PCDHGA10: variants seen among roughly 807,000 people sequenced by gnomAD.
The protein encoded by PCDHGA10 is protocadherin gamma-A10.
Under a neutral mutation model 59.5 loss-of-function variants are expected in PCDHGA10, and 42 were observed. That is an observed-to-expected ratio of 0.71 (90% CI 0.55 to 0.91). The LOEUF is 0.91. PCDHGA10 is among the 40% of genes least tolerant of loss of function. The pLI is 0.00. For missense variants in PCDHGA10, 1,111 were observed against 1,198.2 expected, an observed-to-expected ratio of 0.93 and a Z score of 1.07; for synonymous variants, 511 against 517.2, an observed-to-expected ratio of 0.99 and a Z score of 0.16.
At chr5:141,438,633 TATACACACAC>T (rs1369232099) in intron 1 of PCDHGA10, among the ~76,000 whole-genome samples, 454 of 33,892 alleles carry the variant, frequency 0.013, 1 homozygote, top group Non-Finnish European at 0.019. Flanking sequence ...TATATATATA[TATACACACAC>T]ACACACACAT....
intron 1 of PCDHGA10, among the ~76,000 whole-genome samples, chr5:141,469,004 C>T (rs570896326): frequency 3.3e-5 from 5 of 151,802 alleles, no homozygotes; most frequent in Admixed American, 2.0e-4. Flanking sequence ...TTGCTGGGTG[C>T]GGTGGGTCAC....
rs754178145 is a variant in PCDHGA10 at position 141,489,423 on chromosome 5, C to G, written c.2437-5384C>G. On this transcript the variant is annotated intron_variant, in intron 1 of 3. Transcript: ENST00000398610. The surrounding 1 kb of genome is among the most constrained non-coding windows in gnomAD (Gnocchi z 4.5). ...GCTTAAAGATGACAGATCTGTTGAG[C>G]CGGCGGCTGCAATTGGGCTCTGAGG... 3 of 1,614,098 alleles carry G rather than the reference C, an allele frequency of 1.9e-6. No individual in the cohort carries two copies. The highest frequency in any genetic ancestry group is 1.7e-5 in the Admixed American group (1 of 60,020).
At chr5:141,427,683 G>C in intron 1 of PCDHGA10, 1 of 836,052 alleles carries the variant, frequency 1.2e-6, no homozygotes. Flanking sequence ...CCTTCCCGGA[G>C]CCTCCATCCC....
chr5:141,459,757 G>A (rs1360124889), intron 1 of PCDHGA10, among the ~76,000 whole-genome samples: 3 of 152,162 alleles, frequency 2.0e-5, no homozygotes, highest in Admixed American at 2.0e-4. Context: ...ATTCTAGTGG[G>A]TGTGTGATAC....
rs201458212 is a variant in PCDHGA10 at position 141,487,439 on chromosome 5, T to A, written c.2437-7368T>A. On this transcript the variant is annotated intron_variant, in intron 1 of 3. Coordinates refer to ENST00000398610, the MANE Select transcript of PCDHGA10 (RefSeq NM_018913.3). The surrounding 1 kb of genome is among the most constrained non-coding windows in gnomAD (Gnocchi z 5.0). ...TGGGATCCTCCGAATCCAGCTAGGG[T>A]CAGATGACCCTATCAAGTTTGTTGA... The A allele has an allele frequency of 1.5e-4, 242 of 1,613,808 alleles. No individual in the cohort carries two copies. Among genetic ancestry groups the A allele is most frequent in the Non-Finnish European group, 1.9e-4 (230 of 1,179,978 alleles).
Position 141,489,381 on chromosome 5 carries a change from T to C in PCDHGA10, c.2437-5426T>C. 3 of 1,613,894 alleles carry C rather than the reference T, an allele frequency of 1.9e-6. No individual in the cohort carries two copies. The highest frequency in any genetic ancestry group is 2.5e-6 in the Non-Finnish European group (3 of 1,179,802). On this transcript the variant is annotated intron_variant, in intron 1 of 3. Coordinates refer to ENST00000398610, the MANE Select transcript of PCDHGA10 (RefSeq NM_018913.3). The surrounding 1 kb of genome is among the most constrained non-coding windows in gnomAD (Gnocchi z 4.5). ...CTGAGCCGGGGACGCTGGTGGGGAA[T>C]GTTGCTCAGGATCTGGGCTTAAAGA...
intron 2 of PCDHGA10, among the ~76,000 whole-genome samples, chr5:141,501,983 C>G (rs957901405): frequency 6.6e-6 from 1 of 152,068 alleles, no homozygotes; most frequent in Non-Finnish European, 1.5e-5. Flanking sequence ...CATCTGGTCC[C>G]GTTGTCTCCC....
rs773522759 is a variant in PCDHGA10, at chr5:141,419,457, A to G, written c.2436+3846A>G. The G allele has an allele frequency of 7.4e-6, 12 of 1,612,610 alleles. No homozygotes were observed. The South Asian group carries it at 1.3e-4, about 18-fold the overall frequency. On this transcript the variant is annotated intron_variant, in intron 1 of 3. Transcript: ENST00000398610. ...CTGCGCACCTTCGAGCTCACGCTGC[A>G]GGCCCGCGACCAGGGCTCGCCCGCG...
intron 1 of PCDHGA10, chr5:141,433,070 C>T: frequency 6.2e-7 from 1 of 1,614,174 alleles, no homozygotes; most frequent in Non-Finnish European, 8.5e-7. Flanking sequence ...CCTGATCTTC[C>T]CCCAGCCCAA....
At chr5:141,497,540 C>T (rs866982821) in intron 2 of PCDHGA10, among the ~76,000 whole-genome samples, 5 of 134,944 alleles carry the variant, frequency 3.7e-5, no homozygotes, top group African/African-American at 1.1e-4. Context: ...TGCAACAAAC[C>T]TTTTTTTTTT....
In PCDHGA10 at chr5:141,419,882, T is replaced by A. The variant is rs145814583; in HGVS notation, c.2436+4271T>A. ...TAGCTTGCAAGAGGTACTGCCGGAT[T>A]TCAGCGACCATCCCACACCCTCTGA... On this transcript the variant is annotated intron_variant, in intron 1 of 3. Transcript: ENST00000398610. The A allele has an allele frequency of 4.9e-3, 7,980 of 1,614,092 alleles. 44 individuals carry two copies. Among genetic ancestry groups the A allele is most frequent in the Admixed American group, 9.4e-3 (567 of 60,032 alleles).
intron 1 of PCDHGA10, chr5:141,422,122 A>G (rs758254144): frequency 6.2e-7 from 1 of 1,601,596 alleles, no homozygotes; most frequent in African/African-American, 1.4e-5. Context: ...GGATTCACAA[A>G]CTGGAGAAGT....
chr5:141,431,068 A>G lies in PCDHGA10; in HGVS notation c.2436+15457A>G. 2 of 1,614,218 alleles carry G rather than the reference A, an allele frequency of 1.2e-6. No individual in the cohort carries two copies. Among genetic ancestry groups the G allele is most frequent in the South Asian group, 1.1e-5 (1 of 91,088 alleles). On this transcript the variant is annotated intron_variant, in intron 1 of 3. Coordinates refer to ENST00000398610, the MANE Select transcript of PCDHGA10 (RefSeq NM_018913.3). The surrounding 1 kb of genome is among the most constrained non-coding windows in gnomAD (Gnocchi z 4.8). ...TCTGTATGGGGGCCATCAAGTGTCA[A>G]TTAAATCTAGACATTCTGATGGAGG...
Position 141,420,141 on chromosome 5 carries a change from T to C in PCDHGA10, c.2436+4530T>C, listed in dbSNP as rs556066866. 9.9e-6 allele frequency: 16 copies of C among 1,614,040 alleles called. No homozygotes were observed. The East Asian group carries it at 3.3e-4, about 34-fold the overall frequency. On this transcript the variant is annotated intron_variant, in intron 1 of 3. Coordinates refer to ENST00000398610, the MANE Select transcript of PCDHGA10 (RefSeq NM_018913.3). ...AATTTTTGTGTGCCTGGGGATCAAA[T>C]GAATCCAGAATTTAATTTTTTCACA... is the stretch of plus-strand genomic sequence containing the variant.
intron 1 of PCDHGA10, chr5:141,429,155 G>A (rs115622025): frequency 0.044 from 6,389 of 145,752 alleles, 216 homozygotes; most frequent in African/African-American, 0.099. Flanking sequence ...CACCCGGCCC[G>A]GAGACATTGT....
At chr5:141,463,296 C>T (rs1194250577) in intron 1 of PCDHGA10, among the ~76,000 whole-genome samples, 1 of 151,986 alleles carries the variant, frequency 6.6e-6, no homozygotes, top group African/African-American at 2.4e-5. Flanking sequence ...CTCCTAATCT[C>T]CCCAAACTCT....
rs774563598 is a variant in PCDHGA10 at position 141,431,225 on chromosome 5, C to T, written c.2436+15614C>T. 16 of 1,614,118 alleles carry T rather than the reference C, an allele frequency of 9.9e-6. No individual in the cohort carries two copies. The highest frequency in any genetic ancestry group is 1.2e-5 in the Non-Finnish European group (14 of 1,180,036). On this transcript the variant is annotated intron_variant, in intron 1 of 3. Transcript: ENST00000398610. The surrounding 1 kb of genome is among the most constrained non-coding windows in gnomAD (Gnocchi z 4.8). ...CACTGAGATGCGGTTCCCTCTACCC[C>T]ACGCCTGGGATCCGGATATCGGGAA...
chr5:141,485,922 G>C lies in PCDHGA10; in HGVS notation c.2437-8885G>C. 6.2e-7 allele frequency: 1 copy of C among 1,614,170 alleles called. No individual in the cohort carries two copies. The highest frequency in any genetic ancestry group is 8.5e-7 in the Non-Finnish European group (1 of 1,180,036). On this transcript the variant is annotated intron_variant, in intron 1 of 3. Transcript: ENST00000398610. This position sits in a 1 kb window ranked among gnomAD's most constrained non-coding sequence, Gnocchi z 5.7. The stretch of plus-strand genomic sequence containing the variant: ...TTCCAGCAATCCAGCTACAGGATTA[G>C]TGTGTTGGAGAGCGCACCAGCGGGC...
chr5:141,483,436 C>T, intron 1 of PCDHGA10, among the ~76,000 whole-genome samples: 1 of 152,198 alleles, frequency 6.6e-6, no homozygotes, highest in Non-Finnish European at 1.5e-5. Context: ...GAGCTGACTA[C>T]AATAAAATCA....
Sources: gnomAD v4.1 joint callset for allele counts (sites outside exome capture counted in the v4.1 genomes callset) on GRCh38, gnomAD v4.1.1 for gene constraint, Gnocchi (gnomAD v3.1) non-coding constraint, MANE v1.5 for transcripts, NCBI Gene and HGNC (gene_info 2026-07-23, HGNC 2026-07-21) for gene names.